The following MBOAT4 variants were observed in gnomAD, a reference collection of about 807,000 sequenced individuals.
MBOAT4 encodes membrane bound ghrelin O-acyltransferase MBOAT4, also known as membrane-bound ghrelin O-acyltransferase MBOAT4.
Under a neutral mutation model 13.2 loss-of-function variants are expected in MBOAT4, and 11 were observed. The observed-to-expected ratio is 0.84, with a 90% confidence interval of 0.53 to 1.38. The LOEUF is 1.38. MBOAT4 is among the 40% of genes most tolerant of loss of function. The probability of loss-of-function intolerance (pLI) is 0.00; values close to 1 mark genes in which losing one functional copy is unlikely to be tolerated. For synonymous variants in MBOAT4, 202 were observed against 210.3 expected, an observed-to-expected ratio of 0.96 and a Z score of 0.34; for missense variants, 481 against 527.2, an observed-to-expected ratio of 0.91 and a Z score of 0.86.
chr8:30,138,619 G>C lies in MBOAT4; in HGVS notation c.257C>G (p.Thr86Ser). The C allele has an allele frequency of 6.4e-7, 1 of 1,551,664 alleles. No homozygotes were observed. Among genetic ancestry groups the C allele is most frequent in the South Asian group, 1.2e-5 (1 of 84,058 alleles). ...SLAPQQVHRWTFCFQMSWQTL... is the reference protein window; with the variant it reads ...SLAPQQVHRWSFCFQMSWQTL... ...CTGCCAGCTCATCTGAAAGCAGAAG[G>C]TCCACCTGTGGACTTGCTGAGGAGC... Residue 86 changes from threonine to serine, a missense_variant, in exon 2 of 3, where the codon ACC becomes AGC. Coordinates refer to ENST00000320542, the MANE Select transcript of MBOAT4 (RefSeq NM_001100916.2).
chr8:30,141,639 AAAAGAAAAGAAAAG>A (rs1054480131), intron 1 of MBOAT4, among the ~76,000 whole-genome samples: 6 of 152,114 alleles, frequency 3.9e-5, no homozygotes, highest in African/African-American at 9.7e-5. Context: ...CTCTGTTTCA[AAAAGAAAAGAAAAG>A]AAAGAAAAGA....
At chr8:30,137,286 C>G (rs1291096991) in intron 2 of MBOAT4, 5 of 1,551,520 alleles carry the variant, frequency 3.2e-6, no homozygotes, top group African/African-American at 1.4e-5. Flanking sequence ...GGCGCCTACC[C>G]TTCTTCAGCA....
Position 30,144,633 on chromosome 8 carries a change from C to A in MBOAT4, c.-32G>T, listed in dbSNP as rs528743552. The A allele has an allele frequency of 1.7e-5, 24 of 1,411,560 alleles. No individual in the cohort carries two copies. The Middle Eastern group carries it at 5.3e-4, about 31-fold the overall frequency. 87.4% of individuals were successfully genotyped at this position (1,411,560 alleles called of 1,614,324 possible). Reference sequence around the variant, plus strand: ...CCAGAACAAAAGAGCCTGTCTTTTCCAGTGTCCTTAACTGATGCCTTCCTC... The same window carrying A: ...CCAGAACAAAAGAGCCTGTCTTTTCAAGTGTCCTTAACTGATGCCTTCCTC... On this transcript the variant is annotated 5_prime_UTR_variant, in exon 1 of 3. Transcript: ENST00000320542.
intron 2 of MBOAT4, among the ~76,000 whole-genome samples, chr8:30,136,730 C>CTTTT (rs11390350): frequency 1.3e-4 from 18 of 143,820 alleles, no homozygotes; most frequent in African/African-American, 4.1e-4. Flanking sequence ...TCCCCCCGAA[C>CTTTT]TTTTTTTTTT....
At chr8:30,135,567 T>A (rs1465098405) in intron 2 of MBOAT4, among the ~76,000 whole-genome samples, 4 of 152,132 alleles carry the variant, frequency 2.6e-5, no homozygotes, top group African/African-American at 9.7e-5. Context: ...GAGCTCTTAC[T>A]GCTTCACCAT....
chr8:30,133,032 C>G, intron 2 of MBOAT4, 126 bp from the exon 3 acceptor site: 1 of 719,976 alleles, frequency 1.4e-6, no homozygotes, highest in Non-Finnish European at 2.1e-6. Flanking sequence ...AATCTCATGG[C>G]CTGCAGGACC....
Position 30,131,795 on chromosome 8 carries a change from T to C in MBOAT4, c.*148A>G. 1 of 897,262 alleles carries C rather than the reference T, an allele frequency of 1.1e-6. No individual in the cohort carries two copies. The highest frequency in any genetic ancestry group is 2.8e-5 in the East Asian group (1 of 36,324). The allele number at this position is 897,262 out of a possible 1,614,324, so 55.6% of individuals were successfully genotyped here. ...TAGCTTGCTAAAGTAGATACACAAA[T>C]TCCTACTGCAAGTCACTGGGTATAT... is the stretch of plus-strand genomic sequence containing the variant. On this transcript the variant is annotated 3_prime_UTR_variant, in exon 3 of 3. Transcript: ENST00000320542.
At chr8:30,143,727 C>T (rs1320186826) in intron 1 of MBOAT4, among the ~76,000 whole-genome samples, 1 of 152,112 alleles carries the variant, frequency 6.6e-6, no homozygotes, top group Non-Finnish European at 1.5e-5. Flanking sequence ...CATATAAAGG[C>T]ACTTTAAAAA....
chr8:30,137,737 A>G (rs1438151101), intron 2 of MBOAT4: 1 of 531,088 alleles, frequency 1.9e-6, no homozygotes, highest in Non-Finnish European at 3.4e-6. Context: ...ACAGTTTAAA[A>G]CAAAGACAAT....
chr8:30,138,824 T>C, intron 1 of MBOAT4, 68 bp from the exon 2 acceptor site: 2 of 1,279,816 alleles, frequency 1.6e-6, no homozygotes, highest in Non-Finnish European at 2.2e-6. Flanking sequence ...ACTGCAGATG[T>C]CACTCCAGGG....
chr8:30,131,919 TA>T lies in MBOAT4; in HGVS notation c.*23del. On this transcript the variant is annotated 3_prime_UTR_variant, in exon 3 of 3. Coordinates refer to ENST00000320542, the MANE Select transcript of MBOAT4 (RefSeq NM_001100916.2). Reference sequence around the variant, plus strand: ...CTTTCTAAAATGTTTCCTGGGTGTTTAAGGTGAAAGCCAGGGAAAGATGTCA... The same window carrying T: ...CTTTCTAAAATGTTTCCTGGGTGTTTAGGTGAAAGCCAGGGAAAGATGTCA... 2 of 1,529,496 alleles carry T rather than the reference TA, an allele frequency of 1.3e-6. No homozygotes were observed. Among genetic ancestry groups the T allele is most frequent in the Non-Finnish European group, 1.8e-6 (2 of 1,133,640 alleles). 94.7% of individuals were successfully genotyped at this position (1,529,496 alleles called of 1,614,324 possible).
At chr8:30,139,211 CCAAAAT>C (rs544826466) in intron 1 of MBOAT4, among the ~76,000 whole-genome samples, 29 of 151,894 alleles carry the variant, frequency 1.9e-4, no homozygotes, top group Non-Finnish European at 3.5e-4. Flanking sequence ...CCTCGGCCTC[CCAAAAT>C]CCTACAATTG....
At chr8:30,139,473 G>T (rs1349865590) in intron 1 of MBOAT4, among the ~76,000 whole-genome samples, 4 of 152,152 alleles carry the variant, frequency 2.6e-5, no homozygotes, top group Admixed American at 1.3e-4. Context: ...ATCCTCTCAA[G>T]ACAAGTACCT....
chr8:30,144,332 C>A (rs117656820), intron 1 of MBOAT4, 151 bp downstream of exon 1: 2 of 538,200 alleles, frequency 3.7e-6, no homozygotes, highest in African/African-American at 2.0e-5. Flanking sequence ...GACAGGGTTT[C>A]GCTATGTTGG....
In MBOAT4 at chr8:30,132,063, A is replaced by G. The variant is rs1563220298; in HGVS notation, c.1188T>C (p.Ala396=). The G allele has an allele frequency of 6.4e-7, 1 of 1,551,844 alleles. No homozygotes were observed. The highest frequency in any genetic ancestry group is 8.7e-7 in the Non-Finnish European group (1 of 1,147,020). ...TQLIIAYIML[A]VEVRSLSSLW... is the part of the protein sequence containing the mutation. The stretch of plus-strand genomic sequence containing the variant: ...GAGAGGAGAGACTCCTGACCTCCAC[A>G]GCCAGCATGATGTAGGCAATGATCA... Residue 396 remains alanine (A), a synonymous_variant, in exon 3 of 3, where the codon GCT becomes GCC. Transcript: ENST00000320542.
chr8:30,137,511 G>T (rs1803175671), intron 2 of MBOAT4: 2 of 1,539,080 alleles, frequency 1.3e-6, no homozygotes, highest in East Asian at 4.9e-5. Flanking sequence ...GACAACTACT[G>T]CTCAGTGCCA....
intron 2 of MBOAT4, among the ~76,000 whole-genome samples, chr8:30,134,084 T>C (rs1437528212): frequency 6.6e-6 from 1 of 152,192 alleles, no homozygotes; most frequent in East Asian, 1.9e-4. Context: ...TCAAAGATAA[T>C]GATTTCAAAA....
rs145757853 is a variant in MBOAT4 at position 30,132,627 on chromosome 8, C to A, written c.624G>T (p.Arg208Ser). ...PRHSFWALSW[R>S]GLQILGLECL... ...ATTCTAGTCCAAGAATCTGCAGACC[C>A]CTCCAGCTCAGAGCCCAGAAAGAGT... The change falls in exon 3 of 3, where the codon AGG becomes AGT. Residue 208 changes from arginine to serine, a missense_variant. Arg to Ser is a moderately radical substitution (Grantham distance 110). Coordinates refer to ENST00000320542, the MANE Select transcript of MBOAT4 (RefSeq NM_001100916.2). 58 of 1,551,678 alleles carry A rather than the reference C, an allele frequency of 3.7e-5. No individual in the cohort carries two copies. The African/African-American group carries it at 5.7e-4, about 15-fold the overall frequency.
Position 30,137,289 on chromosome 8 carries a change from C to A in MBOAT4, c.344+1243G>T, listed in dbSNP as rs370478967. ...TTTTCTAGATGGGGCGCCTACCCTTCTTCAGCAAGATGGGAACAGCTGAGT... is the reference window on the plus strand; with the variant it reads ...TTTTCTAGATGGGGCGCCTACCCTTATTCAGCAAGATGGGAACAGCTGAGT... On this transcript the variant is annotated intron_variant, in intron 2 of 2. Transcript: ENST00000320542. The A allele has an allele frequency of 2.2e-5, 34 of 1,551,652 alleles. 1 individual carries two copies. Among genetic ancestry groups the A allele is most frequent in the African/African-American group, 2.2e-4 (16 of 73,162 alleles).
Sources: gnomAD v4.1 joint callset for allele counts (sites outside exome capture counted in the v4.1 genomes callset) on GRCh38, gnomAD v4.1.1 for gene constraint, MANE v1.5 for transcripts, NCBI Gene and HGNC (gene_info 2026-07-23, HGNC 2026-07-21) for gene names.